FMN2: variants seen among roughly 807,000 people sequenced by gnomAD.
The protein encoded by FMN2 is formin 2.
In FMN2, 51 loss-of-function variants were observed where a neutral mutation model predicts 142.3. That is an observed-to-expected ratio of 0.36 (90% CI 0.29 to 0.45). The LOEUF (loss-of-function observed/expected upper bound fraction) is 0.45. Among genes scored for constraint, FMN2 ranks in the 20% least tolerant of loss-of-function variants. FMN2 has a pLI of 1.00. For missense variants in FMN2, 1,936 were observed against 2,122.8 expected (o/e 0.91, Z 1.73); for synonymous variants, 882 against 869.8 (o/e 1.01, Z -0.25).
rs550039664 is a variant in FMN2, at chr1:240,311,444, C to T, written c.4215+16561C>T. Among the ~76,000 whole-genome samples, 3 of 152,072 alleles carry T rather than the reference C, an allele frequency of 2.0e-5. No homozygotes were observed. In the East Asian group the frequency reaches 5.8e-4, roughly 29 times the overall value. ...TTTCCCCACATAGCTGTTTTAAAAC[C>T]ATACTCTCAAATTTCATTGTTTTAT... On this transcript the variant is annotated intron_variant, in intron 8 of 17. Coordinates refer to ENST00000319653, the MANE Select transcript of FMN2 (RefSeq NM_020066.5).
intron 7 of FMN2, among the ~76,000 whole-genome samples, chr1:240,290,098 T>A (rs1488573534): frequency 6.6e-6 from 1 of 152,174 alleles, no homozygotes; most frequent in Non-Finnish European, 1.5e-5. Context: ...TTATGTTGAG[T>A]CTATAATGCT....
At chr1:240,095,934 A>G (rs1661181994) in intron 1 of FMN2, among the ~76,000 whole-genome samples, 1 of 152,116 alleles carries the variant, frequency 6.6e-6, no homozygotes, top group South Asian at 2.1e-4. Context: ...GACATCACCT[A>G]TTTTGTATTT....
intron 2 of FMN2, among the ~76,000 whole-genome samples, chr1:240,164,787 C>T (rs1459041400): frequency 6.6e-6 from 1 of 152,136 alleles, no homozygotes; most frequent in Non-Finnish European, 1.5e-5. Context: ...TGTATTCACC[C>T]ACTTATAGCA....
chr1:240,214,094 T>C (rs1666794838), intron 6 of FMN2, among the ~76,000 whole-genome samples: 1 of 152,230 alleles, frequency 6.6e-6, no homozygotes. Flanking sequence ...CATTTCTCCT[T>C]CTTTACTTTG....
intron 16 of FMN2, among the ~76,000 whole-genome samples, chr1:240,450,370 C>T (rs887934079): frequency 2.0e-5 from 3 of 152,160 alleles, no homozygotes; most frequent in African/African-American, 7.2e-5. Flanking sequence ...TCATTTCATT[C>T]TATTTCGATT....
Position 240,093,599 on chromosome 1 carries a change from G to A in FMN2, c.1490G>A (p.Gly497Glu). ...EELGARTPRV[G>E]GSAHLLERGV... Reference sequence around the variant, plus strand: ...CTAGGCGCCCGCACGCCCCGGGTGGGAGGCTCCGCGCACCTGCTGGAGCGC... The same window carrying A: ...CTAGGCGCCCGCACGCCCCGGGTGGAAGGCTCCGCGCACCTGCTGGAGCGC... The change falls in exon 1 of 18, where the codon GGA becomes GAA. Residue 497 changes from glycine to glutamate, a missense_variant. This residue lies in a region of FMN2 where 751 missense variants were observed against 791.8 expected (regional missense o/e 0.95). Coordinates refer to ENST00000319653, the MANE Select transcript of FMN2 (RefSeq NM_020066.5). 7.0e-7 allele frequency: 1 copy of A among 1,436,862 alleles called. No homozygotes were observed. Among genetic ancestry groups the A allele is most frequent in the Non-Finnish European group, 9.0e-7 (1 of 1,105,632 alleles). The allele number at this position is 1,436,862 out of a possible 1,614,324, so 89.0% of individuals were successfully genotyped here.
chr1:240,382,137 C>G (rs982210292), intron 14 of FMN2, among the ~76,000 whole-genome samples: 10 of 152,190 alleles, frequency 6.6e-5, no homozygotes, highest in Admixed American at 5.9e-4. Flanking sequence ...TTTCAGGTTA[C>G]AAAATAAATG....
chr1:240,361,132 A>AATATATAT (rs1672451065), intron 14 of FMN2, among the ~76,000 whole-genome samples: 1 of 35,710 alleles, frequency 2.8e-5, no homozygotes, highest in African/African-American at 5.3e-5. Context: ...ATAATAAATA[A>AATATATAT]ATATATGTGT....
rs57065226 is a variant in FMN2 at position 240,459,717 on chromosome 1, T to TAAAAAA, written c.5061-12622_5061-12617dup. ...GGGTGACAGAACAAGACTCTGTCTC[T>TAAAAAA]AAAAAAAAAAAAAAAAAAAAAAAAA... is the stretch of plus-strand genomic sequence containing the variant. On this transcript the variant is annotated intron_variant, in intron 16 of 17. Coordinates refer to ENST00000319653, the MANE Select transcript of FMN2 (RefSeq NM_020066.5). Among the ~76,000 whole-genome samples the TAAAAAA allele has an allele frequency of 1.2e-3, 83 of 67,116 alleles. 7 individuals carry two copies. The highest frequency in any genetic ancestry group is 2.1e-3 in the African/African-American group (40 of 19,476). 44.0% of individuals were successfully genotyped at this position (67,116 alleles called of 152,430 possible).
In FMN2 at chr1:240,092,053, G is replaced by C. The variant is rs1379449751; in HGVS notation, c.-57G>C. On this transcript the variant is annotated 5_prime_UTR_variant, in exon 1 of 18. Coordinates refer to ENST00000319653, the MANE Select transcript of FMN2 (RefSeq NM_020066.5). ...CCCTAGGCCCGGACCTGGGGCCGAG[G>C]AGGGCCGGGATGGCCTGAGTGCCCG... The C allele has an allele frequency of 2.0e-6, 3 of 1,501,186 alleles. No individual in the cohort carries two copies. The highest frequency in any genetic ancestry group is 2.6e-5 in the South Asian group (2 of 76,250). The allele number at this position is 1,501,186 out of a possible 1,614,324, so 93.0% of individuals were successfully genotyped here.
Position 240,330,635 on chromosome 1 carries a change from T to A in FMN2, c.4470T>A (p.Val1490=), listed in dbSNP as rs1489046326. The A allele has an allele frequency of 6.2e-7, 1 of 1,613,856 alleles. No homozygotes were observed. The highest frequency in any genetic ancestry group is 8.5e-7 in the Non-Finnish European group (1 of 1,179,920). ...TLKNGPGVMQ[V]LGLVLAFGNY... is the part of the protein sequence containing the mutation. ...AAAATGGCCCAGGGGTTATGCAGGT[T>A]CTAGGTTTGGTTCTTGCCTTTGGCA... is the stretch of plus-strand genomic sequence containing the variant. The change falls in exon 11 of 18, where the codon GTT becomes GTA. Residue 1490 remains valine (V), a synonymous_variant. Transcript: ENST00000319653.
At chr1:240,099,262 A>T (rs1661327510) in intron 1 of FMN2, among the ~76,000 whole-genome samples, 1 of 152,152 alleles carries the variant, frequency 6.6e-6, no homozygotes, top group African/African-American at 2.4e-5. Context: ...TACAAAACTT[A>T]GCAGGATATG....
chr1:240,385,530 T>G (rs1192722296), intron 14 of FMN2, among the ~76,000 whole-genome samples: 8 of 152,206 alleles, frequency 5.3e-5, no homozygotes, highest in Non-Finnish European at 1.2e-4. Context: ...TGATTTGATA[T>G]AAAAATTTAG....
chr1:240,106,870 G>C (rs1661633451), intron 1 of FMN2, among the ~76,000 whole-genome samples: 1 of 151,560 alleles, frequency 6.6e-6, no homozygotes, highest in African/African-American at 2.4e-5. Flanking sequence ...TTTTAGTAGA[G>C]ACGAGGTTTC....
chr1:240,206,014 C>T (rs185615393), intron 4 of FMN2, among the ~76,000 whole-genome samples: 144 of 151,358 alleles, frequency 9.5e-4, no homozygotes, highest in South Asian at 6.3e-3. Context: ...GCTGTCCTTC[C>T]GCCTCAGCCT....
chr1:240,434,435 C>CT (rs1211115151), intron 15 of FMN2, among the ~76,000 whole-genome samples: 1 of 152,120 alleles, frequency 6.6e-6, no homozygotes. Flanking sequence ...TGAGGGCTAC[C>CT]TAATGCCGGA....
At chr1:240,323,909 T>C (rs983100020) in intron 8 of FMN2, among the ~76,000 whole-genome samples, 2 of 152,186 alleles carry the variant, frequency 1.3e-5, no homozygotes, top group African/African-American at 4.8e-5. Flanking sequence ...TTCCCAATGG[T>C]ATCTTTTGCC....
At chr1:240,328,147 C>CA (rs780595882) in intron 8 of FMN2, among the ~76,000 whole-genome samples, 1,272 of 51,342 alleles carry the variant, frequency 0.025, 56 homozygotes, top group Middle Eastern at 0.065. Context: ...GACCCCATCT[C>CA]AAAAAAAAAA....
chr1:240,152,401 C>A (rs1210161569), intron 2 of FMN2, among the ~76,000 whole-genome samples: 1 of 152,042 alleles, frequency 6.6e-6, no homozygotes, highest in African/African-American at 2.4e-5. Context: ...TGAAATTCAC[C>A]CCACTCTAAT....
Sources: gnomAD v4.1 joint callset for allele counts (sites outside exome capture counted in the v4.1 genomes callset) on GRCh38, gnomAD v4.1.1 for gene constraint, gnomAD v4.1.1 regional missense constraint, MANE v1.5 for transcripts, NCBI Gene and HGNC (gene_info 2026-07-23, HGNC 2026-07-21) for gene names.